XIRP2: variants seen among roughly 807,000 people sequenced by gnomAD.
XIRP2 encodes xin actin-binding repeat-containing protein 2.
Under a neutral mutation model 277.0 loss-of-function variants are expected in XIRP2, and 236 were observed. The ratio of observed to expected loss-of-function variants is 0.85; its 90% CI spans 0.77 to 0.95. The LOEUF is 0.95. Among genes scored for constraint, XIRP2 ranks in the 40% least tolerant of loss-of-function variants. The pLI is 0.00. For synonymous variants in XIRP2, 1,490 were observed against 1,416.5 expected (o/e 1.05, Z -1.17); for missense variants, 4,640 against 4,157.5 (o/e 1.12, Z -3.19).
rs1434174429 is a variant in XIRP2, at chr2:167,209,697, A to G, written c.563-1038A>G. On this transcript the variant is annotated intron_variant, in intron 3 of 10. Coordinates refer to ENST00000409195, the MANE Select transcript of XIRP2 (RefSeq NM_152381.6). ...GATTTTGGAATCAAAACCATCTAAGAGTGAATAGTAAACCACCAAGCAGAA... is the reference window on the plus strand; with the variant it reads ...GATTTTGGAATCAAAACCATCTAAGGGTGAATAGTAAACCACCAAGCAGAA... Among the ~76,000 whole-genome samples the G allele has an allele frequency of 5.9e-5, 9 of 152,090 alleles. No homozygotes were observed. The East Asian group carries it at 1.7e-3, about 30-fold the overall frequency.
At chr2:166,912,702 A>T (rs988937600) in intron 2 of XIRP2, among the ~76,000 whole-genome samples, 1 of 152,144 alleles carries the variant, frequency 6.6e-6, no homozygotes, top group African/African-American at 2.4e-5. Flanking sequence ...TAGAATTTTC[A>T]GCTTTTCTGC....
intron 3 of XIRP2, among the ~76,000 whole-genome samples, chr2:167,189,216 T>G (rs1181626679): frequency 6.6e-6 from 1 of 152,170 alleles, no homozygotes; most frequent in African/African-American, 2.4e-5. Context: ...ACTTCAATAC[T>G]GGGAACCGAT....
intron 2 of XIRP2, among the ~76,000 whole-genome samples, chr2:167,029,435 A>G (rs981130294): frequency 2.6e-5 from 4 of 152,028 alleles, no homozygotes; most frequent in African/African-American, 9.7e-5. Context: ...ATTTTATCGA[A>G]CGCCTTTTCT....
chr2:167,220,689 TGGAA>T (rs1694397528), intron 5 of XIRP2, among the ~76,000 whole-genome samples: 1 of 152,192 alleles, frequency 6.6e-6, no homozygotes, highest in Admixed American at 6.6e-5. Flanking sequence ...TGGCTCCGAA[TGGAA>T]TATACATGCT....
chr2:167,055,487 A>G (rs1447512944), intron 2 of XIRP2, among the ~76,000 whole-genome samples: 1 of 152,214 alleles, frequency 6.6e-6, no homozygotes, highest in Non-Finnish European at 1.5e-5. Flanking sequence ...TATAAACTGC[A>G]AATCCTCTGC....
intron 2 of XIRP2, among the ~76,000 whole-genome samples, chr2:167,058,633 A>G (rs1055530909): frequency 1.6e-4 from 24 of 152,164 alleles, no homozygotes; most frequent in Non-Finnish European, 3.2e-4. Flanking sequence ...CTCCAGCAGA[A>G]TAGCCTGGGC....
Position 167,210,869 on chromosome 2 carries a change from G to T in XIRP2, c.697G>T (p.Gly233Cys). ...GAGGTACCAGGCAGCTGTTTCCAGG[G>T]GTGACTGCCGCAGCTTCTCTGCTAA... ...MARYQAAVSR[G>C]DCRSFSANMM... Residue 233 changes from glycine to cysteine, a missense_variant, in exon 4 of 11, where the codon GGT (glycine) becomes TGT (cysteine). Transcript: ENST00000409195. 6.2e-7 allele frequency: 1 copy of T among 1,614,082 alleles called. No individual in the cohort carries two copies. Among genetic ancestry groups the T allele is most frequent in the Non-Finnish European group, 8.5e-7 (1 of 1,179,978 alleles).
chr2:167,076,712 G>A (rs2105256932), intron 2 of XIRP2, among the ~76,000 whole-genome samples: 1 of 152,320 alleles, frequency 6.6e-6, no homozygotes, highest in South Asian at 2.1e-4. Flanking sequence ...TGAAGTGGAA[G>A]ATCCCCTGTG....
intron 3 of XIRP2, among the ~76,000 whole-genome samples, chr2:167,153,565 C>T (rs1001816757): frequency 1.3e-5 from 2 of 151,934 alleles, no homozygotes; most frequent in South Asian, 2.1e-4. Flanking sequence ...CCACTCCCCC[C>T]ACCCCACAAC....
At chr2:166,936,369 T>C (rs1276314968) in intron 2 of XIRP2, among the ~76,000 whole-genome samples, 2 of 152,238 alleles carry the variant, frequency 1.3e-5, no homozygotes, top group African/African-American at 4.8e-5. Flanking sequence ...GGTTGCCTGT[T>C]CACTCTGATG....
chr2:166,939,306 G>A (rs1219452703), intron 2 of XIRP2, among the ~76,000 whole-genome samples: 1 of 152,054 alleles, frequency 6.6e-6, no homozygotes, highest in Non-Finnish European at 1.5e-5. Flanking sequence ...AAATCTCTCA[G>A]CATTTGCTTG....
chr2:166,923,024 TA>T (rs1039142693), intron 2 of XIRP2, among the ~76,000 whole-genome samples: 57 of 147,022 alleles, frequency 3.9e-4, no homozygotes, highest in African/African-American at 8.2e-4. Flanking sequence ...CTACTAAAAT[TA>T]AAAAAAAAAG....
At chr2:167,034,557 TATAAAG>T (rs1688458925) in intron 2 of XIRP2, among the ~76,000 whole-genome samples, 1 of 149,710 alleles carries the variant, frequency 6.7e-6, no homozygotes, top group African/African-American at 2.4e-5. Flanking sequence ...ATACTTCACC[TATAAAG>T]ATACACATAG....
intron 2 of XIRP2, among the ~76,000 whole-genome samples, chr2:166,907,108 T>C (rs938857085): frequency 1.3e-5 from 2 of 152,142 alleles, no homozygotes; most frequent in African/African-American, 4.8e-5. Flanking sequence ...ACACAACCTA[T>C]TGTCATTTCT....
intron 2 of XIRP2, among the ~76,000 whole-genome samples, chr2:166,996,975 A>G (rs1687239147): frequency 6.6e-6 from 1 of 152,242 alleles, no homozygotes; most frequent in South Asian, 2.1e-4. Flanking sequence ...CTTAATAAAG[A>G]GAAGTTAAAT....
intron 2 of XIRP2, among the ~76,000 whole-genome samples, chr2:166,959,757 A>T (rs1243955629): frequency 1.3e-5 from 2 of 151,722 alleles, no homozygotes; most frequent in Non-Finnish European, 2.9e-5. Flanking sequence ...ACCACAAATT[A>T]TTGCACTGAA....
rs546152352 is a variant in XIRP2 at position 167,025,584 on chromosome 2, G to A, written c.409-110325G>A. Among the ~76,000 whole-genome samples, 35 of 151,642 alleles carry A rather than the reference G, an allele frequency of 2.3e-4. No individual in the cohort carries two copies. The South Asian group carries it at 3.8e-3, about 16-fold the overall frequency. On this transcript the variant is annotated intron_variant, in intron 2 of 10. Coordinates refer to ENST00000409195, the MANE Select transcript of XIRP2 (RefSeq NM_152381.6). ...TTGGATCTTTCCTGCTTTCTCTTGT[G>A]GGCATTTAGTGCTATAAATTTTCCT...
chr2:167,196,470 G>T (rs1266889057), intron 3 of XIRP2, among the ~76,000 whole-genome samples: 1 of 149,594 alleles, frequency 6.7e-6, no homozygotes, highest in Non-Finnish European at 1.5e-5. Context: ...CACGATAGAT[G>T]AGTGTTATTT....
chr2:166,975,752 C>G (rs1041198380), intron 2 of XIRP2, among the ~76,000 whole-genome samples: 1 of 151,374 alleles, frequency 6.6e-6, no homozygotes, highest in Non-Finnish European at 1.5e-5. Flanking sequence ...GGTGAAACCC[C>G]GTCTCTACTA....
Sources: allele counts gnomAD v4.1 joint callset (sites outside exome capture counted in the v4.1 genomes callset), GRCh38; gene constraint gnomAD v4.1.1; transcripts MANE v1.5; gene names NCBI Gene and HGNC (gene_info 2026-07-23, HGNC 2026-07-21).